Variants in CSMD1 observed in about 807,000 individuals in gnomAD.
The protein encoded by CSMD1 is CUB and Sushi multiple domains 1.
Under a neutral mutation model 417.5 loss-of-function variants are expected in CSMD1, and 213 were observed. That is an observed-to-expected ratio of 0.51 (90% CI 0.46 to 0.57). The LOEUF is 0.57. Among genes scored for constraint, CSMD1 ranks in the 20% least tolerant of loss-of-function variants. The pLI is 0.00. For synonymous variants in CSMD1, 2,862 were observed against 1,736.8 expected, an observed-to-expected ratio of 1.65 and a Z score of -16.11; for missense variants, 6,923 against 4,529.7, an observed-to-expected ratio of 1.53 and a Z score of -15.17.
intron 3 of CSMD1, among the ~76,000 whole-genome samples, chr8:4,140,657 G>C (rs974313472): frequency 2.3e-4 from 35 of 150,848 alleles, no homozygotes; most frequent in African/African-American, 8.5e-4. Flanking sequence ...AACAGAGCAA[G>C]ACCCTGTCTC....
At chr8:3,996,302 G>T (rs918925196) in intron 5 of CSMD1, among the ~76,000 whole-genome samples, 9 of 152,222 alleles carry the variant, frequency 5.9e-5, no homozygotes, top group African/African-American at 2.2e-4. Context: ...CTGAGAATGA[G>T]TCCCTATATA....
At chr8:3,784,606 G>C (rs749844731) in intron 5 of CSMD1, among the ~76,000 whole-genome samples, 3 of 152,096 alleles carry the variant, frequency 2.0e-5, no homozygotes, top group African/African-American at 7.2e-5. Context: ...ATATGCTTTA[G>C]CAAAGAACAG....
chr8:4,703,792 C>T (rs950071251), intron 1 of CSMD1, among the ~76,000 whole-genome samples: 41 of 152,112 alleles, frequency 2.7e-4, no homozygotes, highest in Admixed American at 2.0e-3. Flanking sequence ...CGAAGAGACC[C>T]GATCATCAAG....
intron 10 of CSMD1, among the ~76,000 whole-genome samples, chr8:3,522,469 T>C (rs1009157029): frequency 5.9e-5 from 9 of 152,340 alleles, no homozygotes; most frequent in Middle Eastern, 3.4e-3. Context: ...GCATTTACTT[T>C]TAGATGGCAT....
In CSMD1 at chr8:4,032,063, A is replaced by G. The variant is rs992532469; in HGVS notation, c.452T>C (p.Ile151Thr). Residue 151 changes from isoleucine to threonine, a missense_variant, in exon 4 of 70, where the codon ATC becomes ACC. Ile to Thr is a moderately conservative substitution (Grantham distance 89, BLOSUM62 -1). Transcript: ENST00000635120. ...PSHTCGNPGEILKGVLHGTRF... is the reference protein window; with the variant it reads ...PSHTCGNPGETLKGVLHGTRF... ...CGTTCCATGCAGAACTCCTTTCAGG[A>G]TTTCTCCAGGATTTCCACAAGTGTG... 2.5e-6 allele frequency: 4 copies of G among 1,613,304 alleles called. No individual in the cohort carries two copies. In the Admixed American group the frequency reaches 6.7e-5, roughly 27 times the overall value.
intron 3 of CSMD1, among the ~76,000 whole-genome samples, chr8:4,035,615 G>C (rs771247698): frequency 2.0e-5 from 3 of 152,102 alleles, no homozygotes; most frequent in Non-Finnish European, 4.4e-5. Flanking sequence ...AGTTTAAAAA[G>C]TAAGAACATA....
intron 1 of CSMD1, among the ~76,000 whole-genome samples, chr8:4,861,759 CAA>C (rs1219389334): frequency 1.3e-5 from 2 of 151,800 alleles, no homozygotes; most frequent in Non-Finnish European, 2.9e-5. Context: ...ACATTTTGAA[CAA>C]AATGTCTAAG....
At chr8:3,625,413 T>G (rs1432781943) in intron 7 of CSMD1, among the ~76,000 whole-genome samples, 1 of 152,008 alleles carries the variant, frequency 6.6e-6, no homozygotes, top group Non-Finnish European at 1.5e-5. Context: ...ATTGCCAGAT[T>G]TTTTTGTCTG....
intron 2 of CSMD1, among the ~76,000 whole-genome samples, chr8:4,478,202 G>C (rs1033571529): frequency 6.6e-6 from 1 of 151,886 alleles, no homozygotes; most frequent in Non-Finnish European, 1.5e-5. Flanking sequence ...TCTTTCACTC[G>C]CCAAATGATT....
intron 2 of CSMD1, among the ~76,000 whole-genome samples, chr8:4,454,909 T>C (rs1489178337): frequency 6.6e-6 from 1 of 152,130 alleles, no homozygotes; most frequent in Non-Finnish European, 1.5e-5. Context: ...GAAACTGAAG[T>C]CTTACAAACA....
intron 5 of CSMD1, among the ~76,000 whole-genome samples, chr8:3,951,929 A>C (rs1585022587): frequency 1.3e-5 from 2 of 152,198 alleles, no homozygotes; most frequent in Non-Finnish European, 2.9e-5. Flanking sequence ...CCCAGAAAAA[A>C]AAATAGATAT....
At chr8:3,370,306 G>A (rs547011054) in intron 18 of CSMD1, among the ~76,000 whole-genome samples, 2 of 152,304 alleles carry the variant, frequency 1.3e-5, no homozygotes, top group South Asian at 4.1e-4. Context: ...AGGAAATGGA[G>A]TCACCAGAGC....
chr8:3,037,048 C>T (rs1039177994), intron 50 of CSMD1, among the ~76,000 whole-genome samples: 1 of 152,104 alleles, frequency 6.6e-6, no homozygotes, highest in African/African-American at 2.4e-5. Context: ...AGATGGGCTC[C>T]CACTTAAAAG....
intron 5 of CSMD1, among the ~76,000 whole-genome samples, chr8:3,834,165 A>T (rs115167228): frequency 0.016 from 2,362 of 151,936 alleles, 54 homozygotes; most frequent in African/African-American, 0.053. Context: ...ATATATACCT[A>T]TTTTTTACCT....
intron 1 of CSMD1, among the ~76,000 whole-genome samples, chr8:4,639,367 G>A (rs537336198): frequency 3.3e-5 from 5 of 151,368 alleles, no homozygotes; most frequent in East Asian, 1.9e-4. Context: ...GGGGCAGACA[G>A]ATCGTTGGAA....
At chr8:3,492,883 A>C (rs1278813982) in intron 11 of CSMD1, among the ~76,000 whole-genome samples, 1 of 151,904 alleles carries the variant, frequency 6.6e-6, no homozygotes, top group African/African-American at 2.4e-5. Flanking sequence ...GGAAGTCTGG[A>C]AAGGTGTATG....
At chr8:4,655,035 C>CA (rs200658889) in intron 1 of CSMD1, among the ~76,000 whole-genome samples, 85,126 of 143,550 alleles carry the variant, frequency 0.59, 24,726 homozygotes, top group Admixed American at 0.67. Flanking sequence ...GATGTACCTC[C>CA]AAAAAAAAAA....
intron 3 of CSMD1, among the ~76,000 whole-genome samples, chr8:4,118,568 G>A (rs140119765): frequency 4.6e-5 from 7 of 152,144 alleles, no homozygotes; most frequent in East Asian, 1.9e-4. Context: ...TAAAAATGGC[G>A]ATCATGAAAA....
chr8:4,495,346 C>A (rs1050495931), intron 2 of CSMD1, among the ~76,000 whole-genome samples: 1 of 152,098 alleles, frequency 6.6e-6, no homozygotes, highest in East Asian at 1.9e-4. Flanking sequence ...GAGGCTGAGG[C>A]GGGCGGATCA....
Sources: allele counts gnomAD v4.1 joint callset (sites outside exome capture counted in the v4.1 genomes callset), GRCh38; gene constraint gnomAD v4.1.1; transcripts MANE v1.5; gene names NCBI Gene and HGNC (gene_info 2026-07-23, HGNC 2026-07-21).